Variants in EXOC4 observed in about 807,000 individuals in gnomAD.
The protein encoded by EXOC4 is SEC8-like 1.
EXOC4 carries 71 observed loss-of-function variants against 107.2 expected under a neutral mutation model. The ratio of observed to expected loss-of-function variants is 0.66; its 90% CI spans 0.55 to 0.81. The LOEUF (loss-of-function observed/expected upper bound fraction) is 0.81. EXOC4 is among the 30% of genes least tolerant of loss of function. The pLI, the probability that EXOC4 is intolerant of heterozygous loss-of-function variation, is 0.00. For missense variants in EXOC4, 1,108 were observed against 1,189.6 expected (o/e 0.93, Z 1.01); for synonymous variants, 456 against 441.2 (o/e 1.03, Z -0.42).
intron 7 of EXOC4, among the ~76,000 whole-genome samples, chr7:133,460,731 T>G (rs558030169): frequency 2.6e-5 from 4 of 152,250 alleles, no homozygotes; most frequent in Admixed American, 2.6e-4. Context: ...AGAAGAATTT[T>G]CCTTATTTCA....
At chr7:133,619,174 ATCTT>A (rs1802267502) in intron 9 of EXOC4, among the ~76,000 whole-genome samples, 1 of 152,194 alleles carries the variant, frequency 6.6e-6, no homozygotes, top group Non-Finnish European at 1.5e-5. Context: ...AGCTCTGATT[ATCTT>A]TATCAGTAAG....
At chr7:133,454,975 A>G (rs975342098) in intron 7 of EXOC4, among the ~76,000 whole-genome samples, 11 of 152,076 alleles carry the variant, frequency 7.2e-5, no homozygotes, top group Non-Finnish European at 1.6e-4. Context: ...GGTCACAGCT[A>G]CTTGGGAGGC....
chr7:133,761,475 T>A (rs1169021149), intron 10 of EXOC4, among the ~76,000 whole-genome samples: 2 of 152,180 alleles, frequency 1.3e-5, no homozygotes, highest in Non-Finnish European at 2.9e-5. Flanking sequence ...CAATTGTCAG[T>A]GTCATCATGG....
At chr7:133,306,427 G>A (rs1563011203) in intron 4 of EXOC4, among the ~76,000 whole-genome samples, 2 of 152,190 alleles carry the variant, frequency 1.3e-5, no homozygotes, top group Non-Finnish European at 2.9e-5. Context: ...GCTGGGTGCA[G>A]TGGCTTATGC....
At chr7:133,823,558 T>C (rs555763149) in intron 11 of EXOC4, among the ~76,000 whole-genome samples, 6 of 151,770 alleles carry the variant, frequency 4.0e-5, no homozygotes, top group Non-Finnish European at 8.8e-5. Context: ...CTCACACCTG[T>C]AATCCCATCA....
intron 7 of EXOC4, among the ~76,000 whole-genome samples, chr7:133,424,661 G>A (rs898645438): frequency 8.5e-5 from 13 of 152,238 alleles, no homozygotes; most frequent in African/African-American, 3.1e-4. Context: ...AAGATATGCC[G>A]GGAATATTTA....
At position 133,935,747 on chromosome 7, in the gene EXOC4, A is replaced by G. The variant is rs1331172569; in HGVS notation, c.2028-2144A>G. Among the ~76,000 whole-genome samples the G allele has an allele frequency of 2.6e-5, 4 of 152,308 alleles. No individual in the cohort carries two copies. In the East Asian group the frequency reaches 7.7e-4, roughly 29 times the overall value. The stretch of plus-strand genomic sequence containing the variant: ...TGAATGATTTGCCTTAAAATATTCT[A>G]AAGTGGTGATGGGGAGGCATAAATA... On this transcript the variant is annotated intron_variant, in intron 13 of 17. Coordinates refer to ENST00000253861, the MANE Select transcript of EXOC4 (RefSeq NM_021807.4).
chr7:133,554,561 G>T (rs1800656476), intron 9 of EXOC4, among the ~76,000 whole-genome samples: 1 of 152,046 alleles, frequency 6.6e-6, no homozygotes, highest in Non-Finnish European at 1.5e-5. Flanking sequence ...GAATCAGAAT[G>T]GCAATCACAG....
At chr7:133,984,833 T>A (rs924850260) in intron 14 of EXOC4, among the ~76,000 whole-genome samples, 1 of 152,154 alleles carries the variant, frequency 6.6e-6, no homozygotes, top group Non-Finnish European at 1.5e-5. Context: ...CCCTAAGTTG[T>A]GTATTTGAGG....
chr7:133,456,152 A>G (rs1171966684), intron 7 of EXOC4, among the ~76,000 whole-genome samples: 4 of 152,214 alleles, frequency 2.6e-5, no homozygotes, highest in South Asian at 2.1e-4. Context: ...AAGCACCTCT[A>G]TTCCAGCCAT....
rs528475831 is a variant in EXOC4 at position 133,775,697 on chromosome 7, AT to A, written c.1515-41627del. ...AGAAAATGTACAGGATTTTTTCCCTATCCATGTCTCCTGTGGGGCATCCGTA... is the reference window on the plus strand; with the variant it reads ...AGAAAATGTACAGGATTTTTTCCCTACCATGTCTCCTGTGGGGCATCCGTA... On this transcript the variant is annotated intron_variant, in intron 10 of 17. Coordinates refer to ENST00000253861, the MANE Select transcript of EXOC4 (RefSeq NM_021807.4). Among the ~76,000 whole-genome samples, 14 of 152,274 alleles carry A rather than the reference AT, an allele frequency of 9.2e-5. No homozygotes were observed. In the East Asian group the frequency reaches 2.7e-3, roughly 29 times the overall value.
chr7:133,522,778 A>G (rs1402729062), intron 9 of EXOC4, among the ~76,000 whole-genome samples: 1 of 152,128 alleles, frequency 6.6e-6, no homozygotes, highest in Non-Finnish European at 1.5e-5. Flanking sequence ...TCTCAGAAAT[A>G]TCCCTTTGAA....
chr7:133,655,347 G>A (rs1803265138), intron 10 of EXOC4, among the ~76,000 whole-genome samples: 1 of 152,008 alleles, frequency 6.6e-6, no homozygotes, highest in African/African-American at 2.4e-5. Flanking sequence ...GGTGGTTACT[G>A]TTGTCTTTTC....
chr7:133,348,688 A>G (rs1430152244), intron 5 of EXOC4, among the ~76,000 whole-genome samples: 1 of 152,176 alleles, frequency 6.6e-6, no homozygotes, highest in Non-Finnish European at 1.5e-5. Flanking sequence ...TTGGCCGCTA[A>G]ATACTTTTCT....
At chr7:133,362,577 C>T (rs1348397539) in intron 6 of EXOC4, among the ~76,000 whole-genome samples, 4 of 152,120 alleles carry the variant, frequency 2.6e-5, no homozygotes, top group Non-Finnish European at 5.9e-5. Context: ...GAAAAATATA[C>T]TTTTGAAATA....
In EXOC4 at chr7:134,064,313, A is replaced by G. The variant is rs1796137400; in HGVS notation, c.2710A>G (p.Asn904Asp). Residue 904 changes from asparagine to aspartate, a missense_variant, in exon 18 of 18, where the codon AAC (asparagine) becomes GAC (aspartate). Physicochemically the swap from Asn to Asp is conservative, Grantham distance 23 (BLOSUM62 1). Coordinates refer to ENST00000253861, the MANE Select transcript of EXOC4 (RefSeq NM_021807.4). ...FARQYYEMLY[N>D]TADELLNLVV... ...CAGGCAGTACTACGAGATGCTTTACAACACAGCTGACGAGCTCCTGAACCT... is the reference window on the plus strand; with the variant it reads ...CAGGCAGTACTACGAGATGCTTTACGACACAGCTGACGAGCTCCTGAACCT... 1 of 1,484,714 alleles carries G rather than the reference A, an allele frequency of 6.7e-7. No homozygotes were observed. Among genetic ancestry groups the G allele is most frequent in the African/African-American group, 1.4e-5 (1 of 70,726 alleles). 92.0% of individuals were successfully genotyped at this position (1,484,714 alleles called of 1,614,324 possible).
chr7:133,851,888 A>G (rs1170090185), intron 11 of EXOC4, among the ~76,000 whole-genome samples: 1 of 152,180 alleles, frequency 6.6e-6, no homozygotes, highest in Non-Finnish European at 1.5e-5. Flanking sequence ...TCATCATACT[A>G]CATTATACTG....
At chr7:133,751,543 C>T (rs758283678) in intron 10 of EXOC4, among the ~76,000 whole-genome samples, 1 of 152,116 alleles carries the variant, frequency 6.6e-6, no homozygotes, top group Non-Finnish European at 1.5e-5. Flanking sequence ...TTTTCATGGA[C>T]TGAATTGAAG....
At chr7:133,823,372 A>G (rs1797571051) in intron 11 of EXOC4, among the ~76,000 whole-genome samples, 1 of 152,072 alleles carries the variant, frequency 6.6e-6, no homozygotes, top group African/African-American at 2.4e-5. Context: ...CCCAGGTCCC[A>G]TTGGTTGCTC....
Sources: allele counts gnomAD v4.1 joint callset (sites outside exome capture counted in the v4.1 genomes callset), GRCh38; gene constraint gnomAD v4.1.1; transcripts MANE v1.5; gene names NCBI Gene and HGNC (gene_info 2026-07-23, HGNC 2026-07-21).